The following RBFOX1 variants were observed in gnomAD, a reference collection of about 807,000 sequenced individuals.
RBFOX1 encodes the protein RNA binding fox-1 homolog 1.
A neutral mutation model predicts 57.7 loss-of-function variants in RBFOX1; 8 were observed. The ratio of observed to expected loss-of-function variants is 0.14; its 90% confidence interval spans 0.08 to 0.25. RBFOX1 has a LOEUF of 0.25. Among genes scored for constraint, RBFOX1 ranks in the 10% least tolerant of loss-of-function variants. The pLI is 1.00. For synonymous variants in RBFOX1, 326 were observed against 222.4 expected, an observed-to-expected ratio of 1.47 and a Z score of -4.15; for missense variants, 611 against 548.5, an observed-to-expected ratio of 1.11 and a Z score of -1.14.
intron 2 of RBFOX1, among the ~76,000 whole-genome samples, chr16:6,558,372 T>G (rs2097133904): frequency 1.3e-5 from 2 of 152,182 alleles, no homozygotes; most frequent in Admixed American, 1.3e-4. Flanking sequence ...CTCAGTGCAG[T>G]CTTCTCTTTT....
chr16:6,209,253 G>C (rs1310094626), intron 1 of RBFOX1, among the ~76,000 whole-genome samples: 1 of 152,196 alleles, frequency 6.6e-6, no homozygotes. Flanking sequence ...CCAGGGAAGA[G>C]GGGCCACGTT....
At chr16:6,526,690 C>T (rs1011483501) in intron 2 of RBFOX1, among the ~76,000 whole-genome samples, 2 of 151,344 alleles carry the variant, frequency 1.3e-5, no homozygotes, top group African/African-American at 4.9e-5. Flanking sequence ...ATTAGCCGGG[C>T]GTGGTGGTGG....
intron 4 of RBFOX1, among the ~76,000 whole-genome samples, chr16:5,910,254 C>G (rs985712900): frequency 2.6e-5 from 4 of 151,996 alleles, no homozygotes; most frequent in Admixed American, 1.3e-4. Flanking sequence ...TAGCCTGGTC[C>G]TCAGGCCAGT....
At chr16:6,473,078 A>G (rs937447099) in intron 2 of RBFOX1, among the ~76,000 whole-genome samples, 5 of 152,206 alleles carry the variant, frequency 3.3e-5, no homozygotes, top group East Asian at 1.9e-4. Flanking sequence ...ACCTCTCCCT[A>G]TGTACCCCTA....
At chr16:5,834,738 C>G (rs59775403) in intron 3 of RBFOX1, among the ~76,000 whole-genome samples, 61,237 of 115,540 alleles carry the variant, frequency 0.53, 13,472 homozygotes, top group East Asian at 0.69. Flanking sequence ...TAGATACATA[C>G]ATACATACAT....
At chr16:5,267,162 A>T (rs1207912775) in intron 1 of RBFOX1, among the ~76,000 whole-genome samples, 1 of 152,184 alleles carries the variant, frequency 6.6e-6, no homozygotes, top group Non-Finnish European at 1.5e-5. Flanking sequence ...GCAGCAAAGC[A>T]AGTGGAAGCC....
chr16:6,076,167 G>A (rs192430278), intron 1 of RBFOX1, among the ~76,000 whole-genome samples: 1 of 152,002 alleles, frequency 6.6e-6, no homozygotes, highest in East Asian at 1.9e-4. Context: ...GTGTGGTGGT[G>A]CATGCTCTAT....
At chr16:6,715,473 A>C (rs556413401) in intron 3 of RBFOX1, among the ~76,000 whole-genome samples, 35 of 152,192 alleles carry the variant, frequency 2.3e-4, no homozygotes, top group Non-Finnish European at 4.4e-4. Context: ...ATAATTGGCA[A>C]GGAAGGAGGT....
At chr16:7,371,911 G>A (rs969443801) in intron 4 of RBFOX1, among the ~76,000 whole-genome samples, 1 of 151,612 alleles carries the variant, frequency 6.6e-6, no homozygotes, top group Non-Finnish European at 1.5e-5. Context: ...GCCTCCTTCA[G>A]TTTTTCTACA....
At chr16:6,534,230 G>C (rs895118032) in intron 2 of RBFOX1, among the ~76,000 whole-genome samples, 3 of 152,052 alleles carry the variant, frequency 2.0e-5, no homozygotes, top group Admixed American at 6.6e-5. Flanking sequence ...AAAAAGAAAT[G>C]AATTGCTGAC....
intron 4 of RBFOX1, among the ~76,000 whole-genome samples, chr16:7,283,213 T>C (rs988247142): frequency 1.3e-5 from 2 of 151,942 alleles, no homozygotes; most frequent in Non-Finnish European, 2.9e-5. Flanking sequence ...ATTTTGACTT[T>C]GTGTGCCTCT....
At chr16:6,840,263 A>G (rs1458514397) in intron 3 of RBFOX1, among the ~76,000 whole-genome samples, 1 of 152,182 alleles carries the variant, frequency 6.6e-6, no homozygotes, top group African/African-American at 2.4e-5. Context: ...GTCACACGGA[A>G]CACACTGAAA....
intron 1 of RBFOX1, among the ~76,000 whole-genome samples, chr16:5,308,321 T>C (rs1003487231): frequency 1.6e-5 from 2 of 125,052 alleles, no homozygotes; most frequent in African/African-American, 3.1e-5. Flanking sequence ...AGTGAGGCTC[T>C]GTCTAAAAAA....
chr16:7,539,949 C>T (rs753893247), intron 5 of RBFOX1, among the ~76,000 whole-genome samples: 1 of 152,218 alleles, frequency 6.6e-6, no homozygotes, highest in Non-Finnish European at 1.5e-5. Flanking sequence ...CAAATCCCAA[C>T]GTTGCCCTTT....
intron 3 of RBFOX1, among the ~76,000 whole-genome samples, chr16:6,998,107 C>T (rs1281258816): frequency 6.6e-6 from 1 of 151,774 alleles, no homozygotes; most frequent in African/African-American, 2.4e-5. Context: ...ATTTAGTGTA[C>T]AATAGCATAT....
At chr16:5,778,043 G>A (rs1376817300) in intron 3 of RBFOX1, among the ~76,000 whole-genome samples, 1 of 152,200 alleles carries the variant, frequency 6.6e-6, no homozygotes, top group Non-Finnish European at 1.5e-5. Flanking sequence ...GGCCAGTGCA[G>A]TGGTGAGCTG....
chr16:6,311,727 C>T, intron 1 of RBFOX1, among the ~76,000 whole-genome samples: 1 of 152,202 alleles, frequency 6.6e-6, no homozygotes, highest in Admixed American at 6.5e-5. Context: ...GTAGTGGTTA[C>T]TGCTAAGCAG....
rs567579815 is a variant in RBFOX1, at chr16:6,865,379, A to T, written c.-15-186678A>T. On this transcript the variant is annotated intron_variant, in intron 3 of 15. Coordinates refer to ENST00000550418, the MANE Select transcript of RBFOX1 (RefSeq NM_018723.4). Reference sequence around the variant, plus strand: ...ATTGTAGATAACATGAAAAATGCAGAAAAACACAAAGAAGAAAAATCATTT... The same window carrying T: ...ATTGTAGATAACATGAAAAATGCAGTAAAACACAAAGAAGAAAAATCATTT... 1.8e-4 allele frequency among the ~76,000 whole-genome samples: 28 copies of T among 152,192 alleles called. No homozygotes were observed. In the South Asian group the frequency reaches 5.8e-3, roughly 32 times the overall value.
intron 2 of RBFOX1, chr16:6,577,194 A>G (rs920651306): frequency 1.3e-5 from 2 of 151,570 alleles, no homozygotes; most frequent in Non-Finnish European, 2.9e-5. Flanking sequence ...GAAGCTCCCC[A>G]CTCTTCCCTG....
Sources: gnomAD v4.1 joint callset for allele counts (sites outside exome capture counted in the v4.1 genomes callset) on GRCh38, gnomAD v4.1.1 for gene constraint, MANE v1.5 for transcripts, NCBI Gene and HGNC (gene_info 2026-07-23, HGNC 2026-07-21) for gene names.